Variants in POTEH observed in about 807,000 individuals in gnomAD.
POTEH encodes ANKRD26-like family C member 3.
In POTEH, 6 loss-of-function variants were observed where a neutral mutation model predicts 41.7. The ratio of observed to expected loss-of-function variants is 0.14; its 90% CI spans 0.08 to 0.28. POTEH has a LOEUF of 0.28. Ranked by LOEUF, POTEH falls within the 10% of genes least tolerant of loss-of-function variation. POTEH has a pLI of 1.00. For synonymous variants in POTEH, 38 were observed against 179.9 expected, an observed-to-expected ratio of 0.21 and a Z score of 6.31; for missense variants, 115 against 533.5, an observed-to-expected ratio of 0.22 and a Z score of 7.73.
intron 9 of POTEH, among the ~76,000 whole-genome samples, chr22:15,713,248 T>C (rs1263121871): frequency 6.6e-6 from 1 of 151,650 alleles, no homozygotes; most frequent in Non-Finnish European, 1.5e-5. Context: ...TTATCACTAC[T>C]TTTTTCTGTA....
chr22:15,692,504 C>G (rs1360022231), intron 1 of POTEH, among the ~76,000 whole-genome samples: 1 of 138,872 alleles, frequency 7.2e-6, no homozygotes, highest in Non-Finnish European at 1.6e-5. Flanking sequence ...GCCTGTTACC[C>G]CAGCACTTTA....
chr22:15,691,110 G>C (rs1176702541), intron 1 of POTEH, among the ~76,000 whole-genome samples: 2 of 144,076 alleles, frequency 1.4e-5, no homozygotes, highest in African/African-American at 5.0e-5. Context: ...ATAAAATCCA[G>C]TATGGATTTT....
At chr22:15,691,981 G>GATATAT (rs1403078945) in intron 1 of POTEH, among the ~76,000 whole-genome samples, 4 of 123,052 alleles carry the variant, frequency 3.3e-5, no homozygotes, top group South Asian at 2.8e-4. Flanking sequence ...TACATATGCA[G>GATATAT]ATACATATAT....
intron 1 of POTEH, among the ~76,000 whole-genome samples, chr22:15,692,409 G>T (rs1989343269): frequency 6.8e-6 from 1 of 147,620 alleles, no homozygotes. Flanking sequence ...CCTGGTAGAA[G>T]AAGGAATTTA....
intron 7 of POTEH, among the ~76,000 whole-genome samples, chr22:15,709,273 T>C (rs1989753751): frequency 7.1e-6 from 1 of 141,310 alleles, no homozygotes; most frequent in Non-Finnish European, 1.5e-5. Context: ...CTCTTTCTGT[T>C]TGGTGTTGAT....
At chr22:15,706,509 TTCA>T (rs1484459460) in intron 6 of POTEH, among the ~76,000 whole-genome samples, 1 of 141,950 alleles carries the variant, frequency 7.0e-6, no homozygotes, top group Non-Finnish European at 1.5e-5. Flanking sequence ...TTTCCAAGTG[TTCA>T]TGAGAATTAT....
chr22:15,692,006 AT>A (rs1989330360), intron 1 of POTEH, among the ~76,000 whole-genome samples: 38 of 121,420 alleles, frequency 3.1e-4, no homozygotes, highest in African/African-American at 9.6e-4. Flanking sequence ...ATATATATAT[AT>A]AAATTTCTTT....
chr22:15,717,255 C>A (rs1989925412), intron 9 of POTEH, among the ~76,000 whole-genome samples: 1 of 91,408 alleles, frequency 1.1e-5, no homozygotes, highest in African/African-American at 3.4e-5. Context: ...CTGCAGTAAA[C>A]ATATGTGTGC....
intron 9 of POTEH, among the ~76,000 whole-genome samples, chr22:15,713,271 C>A (rs1359344348): frequency 2.6e-5 from 4 of 152,296 alleles, no homozygotes; most frequent in African/African-American, 9.6e-5. Context: ...TAAATCTATG[C>A]ATTTTTTCTT....
In POTEH at chr22:15,690,779, A is replaced by T. The variant is rs1225618009; in HGVS notation, c.632+70A>T. 3.1e-5 allele frequency: 43 copies of T among 1,388,478 alleles called. 12 individuals carry two copies. The highest frequency in any genetic ancestry group is 3.0e-5 in the Non-Finnish European group (30 of 1,003,072). The allele number at this position is 1,388,478 out of a possible 1,614,324, so 86.0% of individuals were successfully genotyped here. A position where few individuals can be genotyped will look rare whatever the true frequency, so the allele number is the denominator to read the frequency against. The stretch of plus-strand genomic sequence containing the variant: ...TGGGGACATACCCTCCTGGCCGGGG[A>T]GGAGGGGAGCCTGGTTTTCTTGCCT... On this transcript the variant is annotated intron_variant, in intron 1 of 10. Transcript: ENST00000343518.
intron 6 of POTEH, 40 bp from the exon 7 acceptor site, chr22:15,707,980 A>AAC: frequency 1.3e-6 from 1 of 745,640 alleles, no homozygotes; most frequent in Non-Finnish European, 2.1e-6. Flanking sequence ...TAACTGTTGT[A>AAC]AGTGGTTGAT....
chr22:15,707,717 CTT>C (rs1989706166), intron 6 of POTEH, among the ~76,000 whole-genome samples: 1 of 134,712 alleles, frequency 7.4e-6, no homozygotes, highest in Non-Finnish European at 1.6e-5. Flanking sequence ...TACTGTGTCA[CTT>C]TATTGTTTCT....
At chr22:15,703,630 G>T (rs1160930283) in intron 6 of POTEH, among the ~76,000 whole-genome samples, 2 of 148,188 alleles carry the variant, frequency 1.3e-5, no homozygotes, top group African/African-American at 5.0e-5. Context: ...TATCATAAAA[G>T]TAGAAAAATG....
At chr22:15,705,363 T>G (rs113615686) in intron 6 of POTEH, among the ~76,000 whole-genome samples, 4 of 123,154 alleles carry the variant, frequency 3.2e-5, no homozygotes, top group East Asian at 2.6e-4. Context: ...CTTTTTTTTT[T>G]TTTTTTTTTT....
chr22:15,714,619 G>GT (rs1301601751), intron 9 of POTEH, among the ~76,000 whole-genome samples: 2 of 151,558 alleles, frequency 1.3e-5, no homozygotes, highest in Admixed American at 6.6e-5. Context: ...CATTACTTCA[G>GT]TTTTTTACTT....
intron 9 of POTEH, among the ~76,000 whole-genome samples, chr22:15,712,657 T>G (rs1377075129): frequency 1.5e-5 from 1 of 67,940 alleles, no homozygotes; most frequent in African/African-American, 6.1e-5. Context: ...CACCATATTT[T>G]TCCACAGTGA....
intron 8 of POTEH, among the ~76,000 whole-genome samples, chr22:15,710,528 C>G (rs1325044571): frequency 6.6e-6 from 1 of 152,236 alleles, no homozygotes; most frequent in African/African-American, 2.4e-5. Flanking sequence ...GTGTTCCCAC[C>G]AGTCAAATGG....
intron 4 of POTEH, among the ~76,000 whole-genome samples, chr22:15,699,117 CT>C (rs1321532278): frequency 1.4e-5 from 2 of 147,648 alleles, no homozygotes; most frequent in African/African-American, 5.0e-5. Context: ...TAACCTGTGT[CT>C]TACATGCTTT....
At chr22:15,692,850 G>T (rs1483056935) in intron 1 of POTEH, among the ~76,000 whole-genome samples, 4 of 128,776 alleles carry the variant, frequency 3.1e-5, no homozygotes, top group African/African-American at 8.4e-5. Flanking sequence ...AGTTGCTGCA[G>T]CTTTTCAAAC....
Sources: gnomAD v4.1 joint callset for allele counts (sites outside exome capture counted in the v4.1 genomes callset) on GRCh38, gnomAD v4.1.1 for gene constraint, MANE v1.5 for transcripts, NCBI Gene and HGNC (gene_info 2026-07-23, HGNC 2026-07-21) for gene names.